Variants in CLIC4 observed in about 807,000 individuals in gnomAD.
CLIC4 encodes CLIC family member 4, also known as chloride intracellular channel protein 4.
In CLIC4, 13 loss-of-function variants were observed where a neutral mutation model predicts 24.6. The ratio of observed to expected loss-of-function variants is 0.53; its 90% CI spans 0.34 to 0.84. The LOEUF (loss-of-function observed/expected upper bound fraction) is 0.84. CLIC4 is among the 40% of genes least tolerant of loss of function. The probability of loss-of-function intolerance (pLI) is 0.01; values close to 1 mark genes in which losing one functional copy is unlikely to be tolerated. For synonymous variants in CLIC4, 104 were observed against 111.3 expected (o/e 0.93, Z 0.41); for missense variants, 227 against 301.7 (o/e 0.75, Z 1.83).
At chr1:24,796,333 C>T (rs1034947521) in intron 1 of CLIC4, among the ~76,000 whole-genome samples, 3 of 152,006 alleles carry the variant, frequency 2.0e-5, no homozygotes, top group Non-Finnish European at 2.9e-5. Context: ...GGACTGCAGG[C>T]GCGTACCACC....
At chr1:24,816,234 G>GGT (rs1474200112) in intron 3 of CLIC4, among the ~76,000 whole-genome samples, 4 of 62,124 alleles carry the variant, frequency 6.4e-5, no homozygotes, top group South Asian at 7.0e-4. Context: ...GAATGTTCGT[G>GGT]TTTTTTTTTT....
intron 1 of CLIC4, among the ~76,000 whole-genome samples, chr1:24,781,315 T>TC (rs1395903625): frequency 1.3e-5 from 2 of 150,248 alleles, no homozygotes; most frequent in African/African-American, 4.9e-5. Flanking sequence ...TTGTATTTTT[T>TC]TTTTTTTTAG....
intron 4 of CLIC4, among the ~76,000 whole-genome samples, chr1:24,838,238 C>T (rs1172383832): frequency 1.3e-5 from 2 of 152,158 alleles, no homozygotes; most frequent in Non-Finnish European, 2.9e-5. Context: ...AGGTTTTATT[C>T]AACAGTGAAT....
At chr1:24,763,562 G>C (rs1638956107) in intron 1 of CLIC4, among the ~76,000 whole-genome samples, 2 of 140,336 alleles carry the variant, frequency 1.4e-5, no homozygotes, top group Admixed American at 7.2e-5. Context: ...AAAGAATTAA[G>C]TTCAAATCTA....
At chr1:24,823,919 A>T (rs1639761479) in intron 3 of CLIC4, among the ~76,000 whole-genome samples, 1 of 152,204 alleles carries the variant, frequency 6.6e-6, no homozygotes, top group South Asian at 2.1e-4. Context: ...AAATGTTAAG[A>T]GTCTGTGATG....
intron 1 of CLIC4, among the ~76,000 whole-genome samples, chr1:24,770,019 A>T (rs961552521): frequency 1.3e-5 from 2 of 151,776 alleles, no homozygotes; most frequent in South Asian, 4.2e-4. Flanking sequence ...TGCCCAGCTA[A>T]TTTTTTTTAA....
intron 3 of CLIC4, among the ~76,000 whole-genome samples, chr1:24,822,702 T>C (rs1267019590): frequency 2.0e-5 from 3 of 152,184 alleles, no homozygotes; most frequent in Non-Finnish European, 4.4e-5. Context: ...AATTTTTATT[T>C]ATTTGTATGC....
At chr1:24,746,424 C>G (rs1204886466) in intron 1 of CLIC4, among the ~76,000 whole-genome samples, 2 of 152,206 alleles carry the variant, frequency 1.3e-5, no homozygotes, top group Admixed American at 6.5e-5. Context: ...GTGTCTTCAG[C>G]TTTCATGTGT....
chr1:24,785,167 T>G (rs1205508422), intron 1 of CLIC4, among the ~76,000 whole-genome samples: 1 of 151,890 alleles, frequency 6.6e-6, no homozygotes, highest in African/African-American at 2.4e-5. Flanking sequence ...TTTTTTTCCC[T>G]TCTCTCCTTG....
chr1:24,757,804 G>A (rs1638870442), intron 1 of CLIC4, among the ~76,000 whole-genome samples: 1 of 149,870 alleles, frequency 6.7e-6, no homozygotes, highest in Admixed American at 6.7e-5. Flanking sequence ...GTCTTCCTCT[G>A]TGGCCCAGGC....
intron 1 of CLIC4, among the ~76,000 whole-genome samples, chr1:24,758,049 G>A (rs1638872982): frequency 6.6e-6 from 1 of 152,074 alleles, no homozygotes; most frequent in South Asian, 2.1e-4. Context: ...GTGAGCCACC[G>A]TGCCCAGCCC....
At chr1:24,761,551 A>AG (rs1557795817) in intron 1 of CLIC4, among the ~76,000 whole-genome samples, 1 of 152,230 alleles carries the variant, frequency 6.6e-6, no homozygotes, top group Non-Finnish European at 1.5e-5. Context: ...AGGGATTGAC[A>AG]GGGGCCACAT....
chr1:24,811,260 T>C (rs1639612072), intron 2 of CLIC4, among the ~76,000 whole-genome samples: 1 of 152,198 alleles, frequency 6.6e-6, no homozygotes, highest in Non-Finnish European at 1.5e-5. Context: ...CGTGTCTGCT[T>C]CTGCATTCAT....
intron 2 of CLIC4, among the ~76,000 whole-genome samples, chr1:24,801,467 T>G (rs1639489531): frequency 6.6e-6 from 1 of 152,208 alleles, no homozygotes; most frequent in African/African-American, 2.4e-5. Context: ...AGTCTGCCCT[T>G]GTGATCCAGT....
At chr1:24,807,097 G>C (rs1639558246) in intron 2 of CLIC4, among the ~76,000 whole-genome samples, 2 of 151,548 alleles carry the variant, frequency 1.3e-5, no homozygotes, top group East Asian at 3.9e-4. Flanking sequence ...AGGACAGCCT[G>C]GGCAACATAG....
chr1:24,805,256 C>A (rs897841667), intron 2 of CLIC4, among the ~76,000 whole-genome samples: 1 of 151,904 alleles, frequency 6.6e-6, no homozygotes, highest in Admixed American at 6.6e-5. Context: ...CAGTAAAATT[C>A]TTTAACTGGT....
Position 24,776,255 on chromosome 1 carries a change from A to T in CLIC4, c.73-21487A>T, listed in dbSNP as rs561588058. Among the ~76,000 whole-genome samples the T allele has an allele frequency of 5.1e-4, 77 of 152,194 alleles. No homozygotes were observed. In the South Asian group the frequency reaches 0.015, roughly 30 times the overall value. ...TGCTCTAGACTGTTTTTTGGCTTTT[A>T]AAGTCAGCAGAACTGTGAATTTTCC... On this transcript the variant is annotated intron_variant, in intron 1 of 5. Coordinates refer to ENST00000374379, the MANE Select transcript of CLIC4 (RefSeq NM_013943.3).
intron 1 of CLIC4, among the ~76,000 whole-genome samples, chr1:24,765,599 A>G (rs1245627982): frequency 1.3e-5 from 2 of 152,198 alleles, no homozygotes; most frequent in Non-Finnish European, 2.9e-5. Flanking sequence ...CTTGATAGCC[A>G]TTAAGATTAG....
chr1:24,762,318 G>C (rs1638937097), intron 1 of CLIC4, among the ~76,000 whole-genome samples: 1 of 152,146 alleles, frequency 6.6e-6, no homozygotes, highest in African/African-American at 2.4e-5. Flanking sequence ...GCTACTTCAG[G>C]AGGCTGAGGC....
Sources: allele counts gnomAD v4.1 joint callset (sites outside exome capture counted in the v4.1 genomes callset), GRCh38; gene constraint gnomAD v4.1.1; transcripts MANE v1.5; gene names NCBI Gene and HGNC (gene_info 2026-07-23, HGNC 2026-07-21).